PROCR: variants seen among roughly 807,000 people sequenced by gnomAD.
PROCR encodes endothelial protein C receptor.
A neutral mutation model predicts 24.2 loss-of-function variants in PROCR; 22 were observed. That is an observed-to-expected ratio of 0.91 (90% CI 0.65 to 1.30). The LOEUF (loss-of-function observed/expected upper bound fraction) is 1.30. PROCR is among the 50% of genes most tolerant of loss of function. PROCR has a pLI of 0.00. For missense variants in PROCR, 288 were observed against 307.7 expected (o/e 0.94, Z 0.48); for synonymous variants, 137 against 139.2 (o/e 0.98, Z 0.11).
chr20:35,208,926 C>G (rs1453349562), intron 1 of PROCR, among the ~76,000 whole-genome samples: 1 of 151,018 alleles, frequency 6.6e-6, no homozygotes, highest in Non-Finnish European at 1.5e-5. Flanking sequence ...GAGCCGAGAT[C>G]ACACCACTGC....
chr20:35,214,333 C>A (rs1387502123), intron 1 of PROCR, among the ~76,000 whole-genome samples: 1 of 152,144 alleles, frequency 6.6e-6, no homozygotes, highest in Non-Finnish European at 1.5e-5. Context: ...CTTAACATTA[C>A]ATTTTGGAAA....
At chr20:35,186,531 A>G (rs1462803003) in intron 1 of PROCR, among the ~76,000 whole-genome samples, 1 of 147,508 alleles carries the variant, frequency 6.8e-6, no homozygotes, top group African/African-American at 2.5e-5. Flanking sequence ...GCGCCATTGC[A>G]CTCCAGCCTG....
At chr20:35,208,662 G>C (rs1478990042) in intron 1 of PROCR, among the ~76,000 whole-genome samples, 1 of 152,144 alleles carries the variant, frequency 6.6e-6, no homozygotes, top group Admixed American at 6.6e-5. Context: ...ACTATAAATA[G>C]TGCTTACATT....
At chr20:35,178,507 GTTTTTTT>G (rs1203789471), downstream of PROCR, among the ~76,000 whole-genome samples, 2 of 34,372 alleles carry the variant, frequency 5.8e-5, no homozygotes, top group African/African-American at 3.7e-4. Context: ...TCAAGTCTCA[GTTTTTTT>G]TTTTTTTTTT....
At chr20:35,196,303 A>G (rs1385121304) in intron 1 of PROCR, among the ~76,000 whole-genome samples, 1 of 152,082 alleles carries the variant, frequency 6.6e-6, no homozygotes, top group African/African-American at 2.4e-5. Flanking sequence ...ACTGATGTGG[A>G]AAAGTATTTG....
intron 1 of PROCR, among the ~76,000 whole-genome samples, chr20:35,190,460 G>T (rs541248200): frequency 1.3e-5 from 2 of 151,926 alleles, no homozygotes; most frequent in Non-Finnish European, 2.9e-5. Flanking sequence ...TCACAACCTT[G>T]CCCCCTTTTC....
At chr20:35,185,034 A>G (rs968131699) in intron 1 of PROCR, among the ~76,000 whole-genome samples, 1 of 94,936 alleles carries the variant, frequency 1.1e-5, no homozygotes, top group African/African-American at 4.8e-5. Flanking sequence ...GTAAGACAAA[A>G]AAAAAAAAAA....
At chr20:35,211,155 C>G (rs1231336555) in intron 1 of PROCR, among the ~76,000 whole-genome samples, 2 of 152,134 alleles carry the variant, frequency 1.3e-5, no homozygotes, top group Non-Finnish European at 2.9e-5. Context: ...TGCATGAGTA[C>G]CGCTTACCAA....
intron 1 of PROCR, among the ~76,000 whole-genome samples, chr20:35,205,094 G>A (rs953353902): frequency 2.0e-4 from 31 of 151,858 alleles, no homozygotes; most frequent in Non-Finnish European, 1.3e-4. Flanking sequence ...CCAACGTGGT[G>A]AAACCCCGTC....
chr20:35,200,582 TG>T (rs2060314756), intron 1 of PROCR, among the ~76,000 whole-genome samples: 4 of 152,228 alleles, frequency 2.6e-5, no homozygotes, highest in Admixed American at 1.3e-4. Flanking sequence ...CAATGTCTAA[TG>T]TAATTAGACA....
At chr20:35,202,111 T>A (rs1029510135) in intron 1 of PROCR, 1 of 152,228 alleles carries the variant, frequency 6.6e-6, no homozygotes, top group East Asian at 1.9e-4. Context: ...AGAATACATA[T>A]TCTTTCCAAG....
intron 1 of PROCR, among the ~76,000 whole-genome samples, chr20:35,209,543 A>T (rs1349822029): frequency 6.6e-6 from 1 of 152,210 alleles, no homozygotes; most frequent in Admixed American, 6.6e-5. Context: ...AGAAAATAAT[A>T]GAAAGAGTAG....
downstream of PROCR, among the ~76,000 whole-genome samples, chr20:35,178,414 T>TAAAAAA (rs374008630): frequency 2.0e-5 from 1 of 49,818 alleles, no homozygotes; most frequent in Non-Finnish European, 3.4e-5. Flanking sequence ...TTTTTAATTC[T>TAAAAAA]AAAAAAAAAA....
intron 1 of PROCR, among the ~76,000 whole-genome samples, chr20:35,193,924 G>T (rs970663441): frequency 1.3e-5 from 2 of 152,168 alleles, no homozygotes; most frequent in African/African-American, 4.8e-5. Context: ...AAACCCTGAG[G>T]ACGCCCCAAC....
intron 2 of PROCR, 110 bp downstream of exon 2, chr20:35,175,063 C>A: frequency 1.6e-6 from 2 of 1,260,128 alleles, no homozygotes; most frequent in Non-Finnish European, 1.0e-6. Flanking sequence ...TTGCAGGGAC[C>A]CGGCAGCCAC....
At chr20:35,202,879 T>A (rs2060324043) in intron 1 of PROCR, 1 of 152,096 alleles carries the variant, frequency 6.6e-6, no homozygotes, top group African/African-American at 2.4e-5. Flanking sequence ...AACACTCTAC[T>A]CAAGAGCAAC....
intron 1 of PROCR, among the ~76,000 whole-genome samples, chr20:35,203,507 T>C (rs2093059): frequency 0.41 from 61,746 of 151,186 alleles, 13,301 homozygotes; most frequent in East Asian, 0.63. Context: ...ATCTCAGCTA[T>C]TCAGGAGGCT....
At chr20:35,206,301 C>A (rs1371971994) in intron 1 of PROCR, among the ~76,000 whole-genome samples, 1 of 151,380 alleles carries the variant, frequency 6.6e-6, no homozygotes, top group Admixed American at 6.6e-5. Context: ...AGTGAAACCT[C>A]GTCTCTACTA....
chr20:35,205,777 A>ATATATATATATATATATATATATG (rs2060337830), intron 1 of PROCR, among the ~76,000 whole-genome samples: 1 of 137,738 alleles, frequency 7.3e-6, no homozygotes, highest in African/African-American at 2.8e-5. Context: ...ATATATATAT[A>ATATATATATATATATATATATATG]TATATATATA....
Sources: gnomAD v4.1 joint callset for allele counts (sites outside exome capture counted in the v4.1 genomes callset) on GRCh38, gnomAD v4.1.1 for gene constraint, MANE v1.5 for transcripts, NCBI Gene and HGNC (gene_info 2026-07-23, HGNC 2026-07-21) for gene names.